KCTD16: variants seen among roughly 807,000 people sequenced by gnomAD.
KCTD16 encodes the protein BTB/POZ domain-containing protein KCTD16.
In KCTD16, 13 loss-of-function variants were observed where a neutral mutation model predicts 33.2. That is an observed-to-expected ratio of 0.39 (90% confidence interval 0.25 to 0.62). KCTD16 has a LOEUF of 0.62. Ranked by LOEUF, KCTD16 falls within the 20% of genes least tolerant of loss-of-function variation. The pLI, the probability that KCTD16 is intolerant of heterozygous loss-of-function variation, is 0.50. For missense variants in KCTD16, 441 were observed against 525.1 expected (o/e 0.84, Z 1.57); for synonymous variants, 197 against 195.3 (o/e 1.01, Z -0.07).
chr5:144,239,873 AATT>A, intron 3 of KCTD16, among the ~76,000 whole-genome samples: 1 of 152,266 alleles, frequency 6.6e-6, no homozygotes, highest in South Asian at 2.1e-4. Flanking sequence ...AGATTTGGAA[AATT>A]ATTAATCTCT....
intron 3 of KCTD16, among the ~76,000 whole-genome samples, chr5:144,331,527 G>A (rs1752357516): frequency 6.6e-6 from 1 of 152,288 alleles, no homozygotes; most frequent in East Asian, 1.9e-4. Flanking sequence ...GAGCAGATAA[G>A]TGAGAGTTGA....
chr5:144,283,606 AT>A (rs1273109025), intron 3 of KCTD16, among the ~76,000 whole-genome samples: 1 of 152,162 alleles, frequency 6.6e-6, no homozygotes, highest in Non-Finnish European at 1.5e-5. Context: ...ACACCCAAAT[AT>A]TTTCAGCCAA....
chr5:144,414,086 G>T lies in KCTD16; in HGVS notation c.833-59574G>T, dbSNP rs1260348601. Among the ~76,000 whole-genome samples, 4 of 152,058 alleles carry T rather than the reference G, an allele frequency of 2.6e-5. No individual in the cohort carries two copies. The East Asian group carries it at 7.7e-4, about 29-fold the overall frequency. The stretch of plus-strand genomic sequence containing the variant: ...TTTCACACCTGTAAGACTTCTGGGT[G>T]GGTTTAAAACAATCTATCTAGCCAC... On this transcript the variant is annotated intron_variant, in intron 3 of 3. Coordinates refer to ENST00000512467, the MANE Select transcript of KCTD16 (RefSeq NM_020768.4).
At chr5:144,252,541 C>T (rs914796120) in intron 3 of KCTD16, among the ~76,000 whole-genome samples, 2 of 151,424 alleles carry the variant, frequency 1.3e-5, no homozygotes, top group African/African-American at 4.8e-5. Flanking sequence ...CTCAAAGAGC[C>T]AAAAGTGTTC....
chr5:144,319,771 G>C (rs1752024564), intron 3 of KCTD16, among the ~76,000 whole-genome samples: 1 of 152,156 alleles, frequency 6.6e-6, no homozygotes, highest in African/African-American at 2.4e-5. Context: ...TTGGAAAACT[G>C]TGTTGCTTGA....
intron 3 of KCTD16, among the ~76,000 whole-genome samples, chr5:144,363,766 C>T (rs577818749): frequency 3.3e-5 from 5 of 152,132 alleles, no homozygotes; most frequent in Non-Finnish European, 7.4e-5. Context: ...CAGTGTGACA[C>T]CTCCCAGAGA....
chr5:144,363,040 C>T (rs1751750647), intron 3 of KCTD16, among the ~76,000 whole-genome samples: 1 of 152,130 alleles, frequency 6.6e-6, no homozygotes. Context: ...TTTGGCCACT[C>T]ATTTGTTCTT....
At chr5:144,287,847 G>A (rs1444811289) in intron 3 of KCTD16, among the ~76,000 whole-genome samples, 1 of 152,016 alleles carries the variant, frequency 6.6e-6, no homozygotes, top group Non-Finnish European at 1.5e-5. Context: ...TGTTGGCCAA[G>A]CTTGTCTCGA....
intron 3 of KCTD16, among the ~76,000 whole-genome samples, chr5:144,211,834 C>G (rs541375748): frequency 1.1e-3 from 173 of 152,264 alleles, no homozygotes; most frequent in Admixed American, 2.7e-3. Flanking sequence ...GCATCTCTCT[C>G]TGTGACTTCC....
chr5:144,217,463 T>C (rs1439788895), intron 3 of KCTD16, among the ~76,000 whole-genome samples: 1 of 152,226 alleles, frequency 6.6e-6, no homozygotes, highest in Non-Finnish European at 1.5e-5. Context: ...CAGTTTCACT[T>C]GGCTTTTCTG....
chr5:144,456,464 AAC>A (rs1754065066), intron 3 of KCTD16, among the ~76,000 whole-genome samples: 1 of 152,064 alleles, frequency 6.6e-6, no homozygotes, highest in African/African-American at 2.4e-5. Context: ...CCCCTGCCCC[AAC>A]ACACACAGAC....
At chr5:144,193,180 C>T (rs1394923702) in intron 2 of KCTD16, among the ~76,000 whole-genome samples, 1 of 152,170 alleles carries the variant, frequency 6.6e-6, no homozygotes, top group Non-Finnish European at 1.5e-5. Flanking sequence ...TCTGTTATCC[C>T]CATATCAGCC....
intron 3 of KCTD16, among the ~76,000 whole-genome samples, chr5:144,448,671 T>C (rs1753875769): frequency 6.6e-6 from 1 of 152,112 alleles, no homozygotes. Flanking sequence ...ATGACAGCTC[T>C]AAGGAACCTT....
chr5:144,299,113 T>TC (rs1756150809), intron 3 of KCTD16, among the ~76,000 whole-genome samples: 1 of 14,460 alleles, frequency 6.9e-5, no homozygotes, highest in Non-Finnish European at 1.1e-4. Context: ...TATATATATA[T>TC]ATATATATAT....
At chr5:144,328,863 C>CTT (rs529931780) in intron 3 of KCTD16, among the ~76,000 whole-genome samples, 36,774 of 143,936 alleles carry the variant, frequency 0.26, 4,747 homozygotes, top group Non-Finnish European at 0.3. Context: ...TAGCTTTTTT[C>CTT]TTTTTTTTTT....
chr5:144,311,986 C>T (rs1163087654), intron 3 of KCTD16, among the ~76,000 whole-genome samples: 5 of 151,876 alleles, frequency 3.3e-5, no homozygotes, highest in Non-Finnish European at 7.4e-5. Context: ...AACTTCTTCC[C>T]TCTGAACATT....
At position 144,481,833 on chromosome 5, in the gene KCTD16, A is replaced by G. The variant is rs1754709306; in HGVS notation, c.*7719A>G. On this transcript the variant is annotated 3_prime_UTR_variant, in exon 4 of 4. Coordinates refer to ENST00000512467, the MANE Select transcript of KCTD16 (RefSeq NM_020768.4). ...ATTTCTATATGTAGTTCTGATCAGT[A>G]TTCTAGAATTATGGTTTAAATATCC... 3 of 152,072 alleles carry G rather than the reference A, an allele frequency of 2.0e-5. No individual in the cohort carries two copies. In the South Asian group the frequency reaches 6.2e-4, roughly 31 times the overall value. The allele number at this position is 152,072 out of a possible 1,614,324, so 9.4% of individuals were successfully genotyped here.
intron 3 of KCTD16, among the ~76,000 whole-genome samples, chr5:144,454,543 C>A (rs1031751198): frequency 6.6e-6 from 1 of 150,658 alleles, no homozygotes; most frequent in East Asian, 1.9e-4. Context: ...AAGATATTTC[C>A]TCATAGATAT....
At chr5:144,400,306 A>G (rs1327952091) in intron 3 of KCTD16, among the ~76,000 whole-genome samples, 1 of 152,158 alleles carries the variant, frequency 6.6e-6, no homozygotes, top group East Asian at 1.9e-4. Context: ...CCAGTTTGGA[A>G]CAAGGGAGGA....
Sources: allele counts gnomAD v4.1 joint callset (sites outside exome capture counted in the v4.1 genomes callset), GRCh38; gene constraint gnomAD v4.1.1; transcripts MANE v1.5; gene names NCBI Gene and HGNC (gene_info 2026-07-23, HGNC 2026-07-21).